Variants in FAP observed in about 807,000 individuals in gnomAD.
FAP encodes fibroblast activation protein alpha, also known as prolyl endopeptidase FAP.
Under a neutral mutation model 126.5 loss-of-function variants are expected in FAP, and 110 were observed. The ratio of observed to expected loss-of-function variants is 0.87; its 90% CI spans 0.74 to 1.02. The LOEUF (loss-of-function observed/expected upper bound fraction) is 1.02, where lower values mean the gene tolerates loss of function less well. Ranked by LOEUF, FAP falls within the 50% of genes least tolerant of loss-of-function variation. FAP has a pLI of 0.00. For synonymous variants in FAP, 334 were observed against 297.3 expected, an observed-to-expected ratio of 1.12 and a Z score of -1.27; for missense variants, 919 against 909.2, an observed-to-expected ratio of 1.01 and a Z score of -0.14.
chr2:162,180,997 G>A (rs1391251973), intron 21 of FAP, among the ~76,000 whole-genome samples: 3 of 152,132 alleles, frequency 2.0e-5, no homozygotes, highest in Non-Finnish European at 2.9e-5. Context: ...AATGGAGGCC[G>A]GATGCGGTAG....
At chr2:162,198,485 G>A in intron 16 of FAP, 1 of 711,704 alleles carries the variant, frequency 1.4e-6, no homozygotes, top group Non-Finnish European at 2.1e-6. Context: ...AGAGGCAACA[G>A]CACTTGCTTC....
chr2:162,202,687 C>A (rs1003192123), intron 14 of FAP, among the ~76,000 whole-genome samples, 185 bp downstream of exon 14: 5 of 152,090 alleles, frequency 3.3e-5, no homozygotes, highest in African/African-American at 1.2e-4. Flanking sequence ...CTACTGAAGG[C>A]TTTTTTCCAA....
chr2:162,200,572 A>G lies in FAP; in HGVS notation c.1271T>C (p.Ile424Thr). 1.4e-6 allele frequency: 2 copies of G among 1,480,078 alleles called. No individual in the cohort carries two copies. Among genetic ancestry groups the G allele is most frequent in the Non-Finnish European group, 1.9e-6 (2 of 1,078,690 alleles). The allele number at this position is 1,480,078 out of a possible 1,614,324, so 91.7% of individuals were successfully genotyped here. A position where few individuals can be genotyped will look rare whatever the true frequency, so the allele number is the denominator to read the frequency against. ...EFEEYPGRRN[I>T]YRISIGSYPP... is the part of the protein sequence containing the mutation. Reference sequence around the variant, plus strand: ...ATGAATGGACATAAATTACCTGTAGATGTTTCTTCTTCCAGGGTATTCTTC... The same window carrying G: ...ATGAATGGACATAAATTACCTGTAGGTGTTTCTTCTTCCAGGGTATTCTTC... The change falls in exon 15 of 26, where the codon ATC becomes ACC. Residue 424 changes from isoleucine to threonine, a missense_variant. By Grantham distance (89) the Ile-to-Thr change is moderately conservative (BLOSUM62 -1). Coordinates refer to ENST00000188790, the MANE Select transcript of FAP (RefSeq NM_004460.5).
In FAP at chr2:162,243,369, A is replaced by G. The variant is rs1231306129; in HGVS notation, c.-42T>C. The G allele has an allele frequency of 3.7e-6, 6 of 1,605,906 alleles. No individual in the cohort carries two copies. Among genetic ancestry groups the G allele is most frequent in the Non-Finnish European group, 4.2e-6 (5 of 1,176,776 alleles). ...GAAAGTTAGCTAATTCTGTCTTCAGAGCGTGGGTCACTGGATCTGTGAAAA... is the reference window on the plus strand; with the variant it reads ...GAAAGTTAGCTAATTCTGTCTTCAGGGCGTGGGTCACTGGATCTGTGAAAA... On this transcript the variant is annotated 5_prime_UTR_variant, in exon 1 of 26. Coordinates refer to ENST00000188790, the MANE Select transcript of FAP (RefSeq NM_004460.5).
chr2:162,224,429 G>T (rs778597666), intron 5 of FAP, 37 bp downstream of exon 5: 3 of 1,241,600 alleles, frequency 2.4e-6, no homozygotes, highest in South Asian at 2.6e-5. Context: ...ATTAGTAGGA[G>T]ATACAATTGG....
At chr2:162,216,031 A>C in intron 9 of FAP, 30 bp from the exon 10 acceptor site, 3 of 1,493,226 alleles carry the variant, frequency 2.0e-6, no homozygotes, top group Non-Finnish European at 2.8e-6. Flanking sequence ...ATATAAGCTC[A>C]TAAAATTCCA....
chr2:162,179,779 T>A (rs1466840609), intron 21 of FAP, among the ~76,000 whole-genome samples: 2 of 70,140 alleles, frequency 2.9e-5, no homozygotes, highest in Admixed American at 2.4e-4. Flanking sequence ...TCTATCTATC[T>A]ATCTATCTAT....
At chr2:162,173,938 C>T (rs1687399482) in intron 22 of FAP, 151 bp from the exon 23 acceptor site, 1 of 641,612 alleles carries the variant, frequency 1.6e-6, no homozygotes, top group Non-Finnish European at 2.9e-6. Flanking sequence ...AATGGTTGGC[C>T]TCAAAGAATA....
At chr2:162,211,969 G>A (rs1004996221) in intron 11 of FAP, among the ~76,000 whole-genome samples, 2 of 152,088 alleles carry the variant, frequency 1.3e-5, no homozygotes, top group African/African-American at 4.8e-5. Flanking sequence ...CGACACTGTT[G>A]TTCTCAAATC....
intron 3 of FAP, 27 bp downstream of exon 3, chr2:162,226,496 A>AC (rs1559791516): frequency 8.2e-7 from 1 of 1,226,164 alleles, no homozygotes; most frequent in South Asian, 1.4e-5. Flanking sequence ...CATAAAAAAA[A>AC]CCCCTAAAGA....
At chr2:162,236,362 G>A (rs1690129387) in intron 2 of FAP, among the ~76,000 whole-genome samples, 1 of 151,764 alleles carries the variant, frequency 6.6e-6, no homozygotes, top group Non-Finnish European at 1.5e-5. Context: ...GAAAACGTTT[G>A]TGAAGAATTT....
Position 162,242,973 on chromosome 2 carries a change from A to G in FAP, c.26T>C (p.Phe9Ser), listed in dbSNP as rs76564309. 2.6e-4 allele frequency: 425 copies of G among 1,612,774 alleles called. 4 individuals are homozygous for G. The East Asian group carries it at 5.9e-3, about 22-fold the overall frequency. The change falls in exon 2 of 26, where the codon TTT (phenylalanine) becomes TCT (serine). Residue 9 changes from phenylalanine (F) to serine (S), a missense_variant. Physicochemically the swap from Phe to Ser is radical, Grantham distance 155. Transcript: ENST00000188790. ...AAGCACAGCAGAGGTGGCAACTCCAAATACGATTTTTACCCAAGTCTACAT... is the reference window on the plus strand; with the variant it reads ...AAGCACAGCAGAGGTGGCAACTCCAGATACGATTTTTACCCAAGTCTACAT... MKTWVKIV[F>S]GVATSAVLAL...
At position 162,173,170 on chromosome 2, in the gene FAP, G is replaced by C. The variant is rs776270528; in HGVS notation, c.2086C>G (p.Leu696Val). 28 of 1,613,090 alleles carry C rather than the reference G, an allele frequency of 1.7e-5. No homozygotes were observed. Among genetic ancestry groups the C allele is most frequent in the Non-Finnish European group, 2.4e-5 (28 of 1,179,208 alleles). The change falls in exon 24 of 26, where the codon CTC becomes GTC. Residue 696 changes from leucine (L) to valine (V), a missense_variant. Leu to Val is a conservative substitution (Grantham distance 32, BLOSUM62 1). Coordinates refer to ENST00000188790, the MANE Select transcript of FAP (RefSeq NM_004460.5). ...AEYFRNVDYL[L>V]IHGTADDNVH... ...TCACCATCTGCTGTTCCGTGGATGA[G>C]AAGATAGTCTACATTTCTGAAATAT...
intron 2 of FAP, among the ~76,000 whole-genome samples, chr2:162,230,142 A>C (rs1473650854): frequency 3.3e-5 from 5 of 152,148 alleles, no homozygotes; most frequent in Non-Finnish European, 5.9e-5. Flanking sequence ...GTTCATCCCC[A>C]ATATACTCAG....
rs750341074 is a variant in FAP at position 162,219,025 on chromosome 2, G to A, written c.607+38C>T. ...TATATGAAATTATTTTAAATTAAAA[G>A]CCTAAAGCATTAGCAGTAGAAAAGG... On this transcript the variant is annotated intron_variant, in intron 8 of 25. Coordinates refer to ENST00000188790, the MANE Select transcript of FAP (RefSeq NM_004460.5). 1.2e-5 allele frequency: 18 copies of A among 1,507,526 alleles called. 1 individual carries two copies. In the African/African-American group the frequency reaches 2.3e-4, roughly 19 times the overall value. 93.4% of individuals were successfully genotyped at this position (1,507,526 alleles called of 1,614,324 possible). A position where few individuals can be genotyped will look rare whatever the true frequency, so the allele number is the denominator to read the frequency against.
intron 7 of FAP, 86 bp from the exon 8 acceptor site, chr2:162,219,269 C>G: frequency 7.8e-7 from 1 of 1,288,026 alleles, no homozygotes. Flanking sequence ...TACCTTTAAA[C>G]AGAGTGGTAA....
chr2:162,181,429 T>G (rs961544516), intron 21 of FAP, among the ~76,000 whole-genome samples: 1 of 152,300 alleles, frequency 6.6e-6, no homozygotes, highest in Non-Finnish European at 1.5e-5. Flanking sequence ...TTCTATACTT[T>G]CCTCAAGATA....
In FAP at chr2:162,174,025, A is replaced by T. The variant is rs186087958; in HGVS notation, c.1970-238T>A. On this transcript the variant is annotated intron_variant, in intron 22 of 25. Coordinates refer to ENST00000188790, the MANE Select transcript of FAP (RefSeq NM_004460.5). The stretch of plus-strand genomic sequence containing the variant: ...AGATTATGGAAACAGGAGCATCTAA[A>T]CATTTTCTTTCTATGACTATTCTTA... Among the ~76,000 whole-genome samples the T allele has an allele frequency of 8.1e-4, 124 of 152,254 alleles. 3 individuals carry two copies. The East Asian group carries it at 0.023, about 28-fold the overall frequency.
intron 2 of FAP, among the ~76,000 whole-genome samples, chr2:162,240,576 G>A (rs866831009): frequency 6.6e-6 from 1 of 152,230 alleles, no homozygotes; most frequent in Non-Finnish European, 1.5e-5. Flanking sequence ...ATGATGATGA[G>A]CAGGGAGTTA....
Sources: gnomAD v4.1 joint callset for allele counts (sites outside exome capture counted in the v4.1 genomes callset) on GRCh38, gnomAD v4.1.1 for gene constraint, MANE v1.5 for transcripts, NCBI Gene and HGNC (gene_info 2026-07-23, HGNC 2026-07-21) for gene names.